Variants in TYW1B observed in about 807,000 individuals in gnomAD.
TYW1B encodes tRNA-yW synthesizing protein 1 homolog B, also known as S-adenosyl-L-methionine-dependent tRNA 4-demethylwyosine synthase TYW1B.
TYW1B carries 73 observed loss-of-function variants against 86.9 expected under a neutral mutation model. That is an observed-to-expected ratio of 0.84 (90% CI 0.70 to 1.02). TYW1B has a LOEUF of 1.02. TYW1B is among the 50% of genes least tolerant of loss of function. The probability of loss-of-function intolerance (pLI) is 0.00; values close to 1 mark genes in which losing one functional copy is unlikely to be tolerated. For synonymous variants in TYW1B, 248 were observed against 292.8 expected, an observed-to-expected ratio of 0.85 and a Z score of 1.56; for missense variants, 637 against 827.4, an observed-to-expected ratio of 0.77 and a Z score of 2.82.
At chr7:72,593,458 T>C (rs1811449192) in intron 13 of TYW1B, among the ~76,000 whole-genome samples, 1 of 152,012 alleles carries the variant, frequency 6.6e-6, no homozygotes, top group Non-Finnish European at 1.5e-5. Flanking sequence ...AGGCTACCAA[T>C]TAGGCCTAGA....
chr7:72,666,231 T>C (rs776511152), intron 11 of TYW1B, among the ~76,000 whole-genome samples: 4 of 151,474 alleles, frequency 2.6e-5, no homozygotes, highest in Non-Finnish European at 4.4e-5. Flanking sequence ...CTGGGCAACA[T>C]GGCAAAACTC....
chr7:72,587,783 T>TA (rs1272585370), intron 13 of TYW1B, among the ~76,000 whole-genome samples: 1 of 152,184 alleles, frequency 6.6e-6, no homozygotes, highest in Non-Finnish European at 1.5e-5. Flanking sequence ...AGGGAAGGGC[T>TA]ATTATCATCT....
chr7:72,735,556 C>A (rs1787181948), intron 8 of TYW1B, among the ~76,000 whole-genome samples: 3 of 117,622 alleles, frequency 2.6e-5, no homozygotes, highest in African/African-American at 6.8e-5. Flanking sequence ...TGGGCAACAG[C>A]AAGACTCTGC....
chr7:72,634,705 G>A (rs1376666104), intron 11 of TYW1B, among the ~76,000 whole-genome samples: 16 of 152,022 alleles, frequency 1.1e-4, no homozygotes, highest in Admixed American at 9.2e-4. Context: ...CACCACTTTT[G>A]CATTGTTTTG....
chr7:72,726,429 C>T (rs1325368228), intron 9 of TYW1B, among the ~76,000 whole-genome samples: 1 of 149,832 alleles, frequency 6.7e-6, no homozygotes, highest in South Asian at 2.1e-4. Context: ...GGCATGTGAA[C>T]TCAGCTCACT....
rs1787363260 is a variant in TYW1B at position 72,744,580 on chromosome 7, C to T, written c.986G>A (p.Ser329Asn). ...TKQVDAPRERSLLQTHILWNE... is the reference protein window; with the variant it reads ...TKQVDAPRERNLLQTHILWNE... ...CCATAGAATGTGTGTTTGTAACAAG[C>T]TCCTCTCCCTCGGAGCATCGACTAT... Residue 329 changes from serine (S) to asparagine (N), a missense_variant, in exon 8 of 14, where the codon AGC (serine) becomes AAC (asparagine). Coordinates refer to ENST00000620995, the MANE Select transcript of TYW1B (RefSeq NM_001145440.3). The T allele has an allele frequency of 5.0e-6, 8 of 1,613,702 alleles. No homozygotes were observed. Among genetic ancestry groups the T allele is most frequent in the Admixed American group, 1.7e-5 (1 of 59,972 alleles).
intron 3 of TYW1B, among the ~76,000 whole-genome samples, chr7:72,811,792 GT>G (rs1788624342): frequency 6.6e-6 from 1 of 151,504 alleles, no homozygotes; most frequent in Admixed American, 6.6e-5. Flanking sequence ...GGTGCCTGTA[GT>G]TCCAGCTACT....
intron 11 of TYW1B, among the ~76,000 whole-genome samples, chr7:72,651,794 G>T (rs1813065927): frequency 6.6e-6 from 1 of 151,914 alleles, no homozygotes; most frequent in Admixed American, 6.6e-5. Flanking sequence ...AAAAAGAACA[G>T]AAATTGTTAA....
intron 11 of TYW1B, among the ~76,000 whole-genome samples, chr7:72,681,196 G>C (rs1341218933): frequency 6.6e-6 from 1 of 152,198 alleles, no homozygotes; most frequent in Non-Finnish European, 1.5e-5. Context: ...AGGTTGTTGG[G>C]AAATAACAGA....
intron 10 of TYW1B, among the ~76,000 whole-genome samples, chr7:72,705,506 T>A (rs545410003): frequency 6.6e-6 from 1 of 152,336 alleles, no homozygotes; most frequent in African/African-American, 2.4e-5. Context: ...CAGCTCTGTC[T>A]TCTTATGATA....
chr7:72,673,657 GA>G (rs1324466777), intron 11 of TYW1B, among the ~76,000 whole-genome samples: 2 of 152,082 alleles, frequency 1.3e-5, no homozygotes, highest in Non-Finnish European at 2.9e-5. Context: ...ACAAAAAATA[GA>G]AAAAATGAAT....
rs186677370 is a variant in TYW1B, at chr7:72,758,449, A to G, written c.965-13848T>C. ...ATAAACATTTTTTTCTCTTAGAAAA[A>G]ACATTTTTTTCTCTTAGAAAAAAAT... On this transcript the variant is annotated intron_variant, in intron 7 of 13. Transcript: ENST00000620995. Among the ~76,000 whole-genome samples, 669 of 152,246 alleles carry G rather than the reference A, an allele frequency of 4.4e-3. 1 individual carries two copies. Among genetic ancestry groups the G allele is most frequent in the Non-Finnish European group, 7.6e-3 (517 of 68,030 alleles).
intron 13 of TYW1B, among the ~76,000 whole-genome samples, chr7:72,599,945 T>A (rs1476943543): frequency 6.6e-6 from 1 of 152,228 alleles, no homozygotes; most frequent in African/African-American, 2.4e-5. Flanking sequence ...TTGTCAGTTT[T>A]TCCCAACTGT....
At chr7:72,812,701 GTT>G (rs1422203647) in intron 3 of TYW1B, among the ~76,000 whole-genome samples, 6 of 138,216 alleles carry the variant, frequency 4.3e-5, no homozygotes, top group Admixed American at 7.3e-5. Flanking sequence ...GCCTTTTGGG[GTT>G]TTTTTTTTTT....
chr7:72,619,663 A>G (rs552805507), intron 12 of TYW1B, among the ~76,000 whole-genome samples: 10 of 151,972 alleles, frequency 6.6e-5, no homozygotes, highest in Non-Finnish European at 7.4e-5. Flanking sequence ...AAAAAAAAAA[A>G]AAAGAAATCA....
At chr7:72,674,164 T>C (rs1349587809) in intron 11 of TYW1B, among the ~76,000 whole-genome samples, 6 of 151,882 alleles carry the variant, frequency 4.0e-5, no homozygotes, top group South Asian at 2.1e-4. Flanking sequence ...CACAAGGAGG[T>C]AGCTGGCCAG....
At chr7:72,818,833 C>T (rs1340205675) in intron 2 of TYW1B, among the ~76,000 whole-genome samples, 4 of 151,990 alleles carry the variant, frequency 2.6e-5, no homozygotes, top group Non-Finnish European at 5.9e-5. Context: ...CATGAGAACT[C>T]ACTCACTGTC....
At chr7:72,593,102 A>AGACCAGCCTGACCAACAT (rs71069088) in intron 13 of TYW1B, among the ~76,000 whole-genome samples, 25,074 of 151,626 alleles carry the variant, frequency 0.17, 2,614 homozygotes, top group East Asian at 0.55. Flanking sequence ...CCCGAGTTCA[A>AGACCAGCCTGACCAACAT]GACCAGCCTG....
At chr7:72,806,234 T>C (rs1443503535) in intron 5 of TYW1B, among the ~76,000 whole-genome samples, 1 of 93,378 alleles carries the variant, frequency 1.1e-5, no homozygotes, top group Admixed American at 1.4e-4. Flanking sequence ...TGTGTGTGTG[T>C]GGGTTTTTTT....
Sources: gnomAD v4.1 joint callset for allele counts (sites outside exome capture counted in the v4.1 genomes callset) on GRCh38, gnomAD v4.1.1 for gene constraint, MANE v1.5 for transcripts, NCBI Gene and HGNC (gene_info 2026-07-23, HGNC 2026-07-21) for gene names.